Variants in IMMP1L observed in about 807,000 individuals in gnomAD.
The protein encoded by IMMP1L is mitochondrial inner membrane protease subunit 1.
IMMP1L carries 24 observed loss-of-function variants against 21.8 expected under a neutral mutation model. The observed-to-expected ratio is 1.10, with a 90% CI of 0.80 to 1.55. The LOEUF (loss-of-function observed/expected upper bound fraction) is 1.55. Ranked by LOEUF, IMMP1L falls within the 40% of genes most tolerant of loss-of-function variation. The probability of loss-of-function intolerance (pLI) is 0.00; values close to 1 mark genes in which losing one functional copy is unlikely to be tolerated. For missense variants in IMMP1L, 195 were observed against 200.7 expected (o/e 0.97, Z 0.17); for synonymous variants, 46 against 62.8 (o/e 0.73, Z 1.26).
In IMMP1L at chr11:31,436,738, G is replaced by A. The variant is rs563849945; in HGVS notation, c.322-3168C>T. ...TGAGCCAGTGCGCCCAACCATCGCTGGAGTAATATAATTAACAACTACAGA... is the reference window on the plus strand; with the variant it reads ...TGAGCCAGTGCGCCCAACCATCGCTAGAGTAATATAATTAACAACTACAGA... On this transcript the variant is annotated intron_variant, in intron 4 of 5. Transcript: ENST00000532287. Among the ~76,000 whole-genome samples the A allele has an allele frequency of 5.3e-5, 8 of 151,980 alleles. 1 individual carries two copies. In the East Asian group the frequency reaches 1.2e-3, roughly 22 times the overall value.
chr11:31,492,417 T>C (rs574284003), intron 1 of IMMP1L, among the ~76,000 whole-genome samples: 1 of 152,344 alleles, frequency 6.6e-6, no homozygotes, highest in African/African-American at 2.4e-5. Flanking sequence ...GTTTGATCTA[T>C]CCAGACAACT....
intron 1 of IMMP1L, among the ~76,000 whole-genome samples, chr11:31,499,139 C>T (rs1034934075): frequency 3.9e-5 from 6 of 152,038 alleles, no homozygotes; most frequent in African/African-American, 7.2e-5. Flanking sequence ...CCAAGGTGCA[C>T]GGATCACGAG....
rs573461247 is a variant in IMMP1L, at chr11:31,441,324, G to A, written c.322-7754C>T. Among the ~76,000 whole-genome samples, 440 of 144,106 alleles carry A rather than the reference G, an allele frequency of 3.1e-3. 3 individuals carry two copies. Among genetic ancestry groups the A allele is most frequent in the African/African-American group, 0.011 (405 of 38,374 alleles). 94.5% of individuals were successfully genotyped at this position (144,106 alleles called of 152,430 possible). ...TTTTTAAAAGGTGTTTCAGGGTTGGGCTTTTTTTTTTTTTTTTGTCTTTGG... is the reference window on the plus strand; with the variant it reads ...TTTTTAAAAGGTGTTTCAGGGTTGGACTTTTTTTTTTTTTTTTGTCTTTGG... On this transcript the variant is annotated intron_variant, in intron 4 of 5. Coordinates refer to ENST00000532287, the MANE Select transcript of IMMP1L (RefSeq NM_001304274.2).
chr11:31,489,272 C>T (rs1955180647), intron 1 of IMMP1L, among the ~76,000 whole-genome samples: 1 of 152,072 alleles, frequency 6.6e-6, no homozygotes, highest in East Asian at 1.9e-4. Flanking sequence ...GTGTCTGCCA[C>T]AAAAAACAAA....
At chr11:31,459,723 C>A (rs1954072376) in intron 3 of IMMP1L, among the ~76,000 whole-genome samples, 2 of 152,056 alleles carry the variant, frequency 1.3e-5, no homozygotes, top group African/African-American at 4.8e-5. Context: ...CCTGCCTCAG[C>A]CTGCTGTGAA....
intron 1 of IMMP1L, among the ~76,000 whole-genome samples, chr11:31,503,275 C>G (rs964183147): frequency 1.3e-5 from 2 of 152,108 alleles, no homozygotes; most frequent in African/African-American, 2.4e-5. Context: ...AGTGCACGCT[C>G]TTAACTACAT....
chr11:31,498,025 G>A (rs901952502), intron 1 of IMMP1L, among the ~76,000 whole-genome samples: 2 of 152,134 alleles, frequency 1.3e-5, no homozygotes, highest in African/African-American at 2.4e-5. Context: ...AATGCTCAGT[G>A]AGAGAAAAAC....
At chr11:31,491,409 T>C (rs1473803348) in intron 1 of IMMP1L, among the ~76,000 whole-genome samples, 3 of 152,174 alleles carry the variant, frequency 2.0e-5, no homozygotes, top group African/African-American at 7.2e-5. Context: ...AACATGGTAT[T>C]GGAAAGTAAA....
At chr11:31,473,705 A>G (rs1178633216) in intron 1 of IMMP1L, 1 of 971,924 alleles carries the variant, frequency 1.0e-6, no homozygotes, top group African/African-American at 1.8e-5. Flanking sequence ...TTTGGATCCA[A>G]TGACTGAAGT....
intron 1 of IMMP1L, among the ~76,000 whole-genome samples, chr11:31,482,262 G>A (rs184369644): frequency 7.6e-4 from 115 of 152,128 alleles, no homozygotes; most frequent in African/African-American, 2.6e-3. Context: ...AAGCAAAAAT[G>A]CTTTTGAAGA....
At chr11:31,433,671 GCT>G in intron 4 of IMMP1L, 101 bp from the exon 5 acceptor site, 1 of 625,204 alleles carries the variant, frequency 1.6e-6, no homozygotes, top group African/African-American at 1.9e-5. Context: ...ATGTCCTAAG[GCT>G]CTCTTTTATA....
chr11:31,436,145 TAC>T (rs1435629412), intron 4 of IMMP1L, among the ~76,000 whole-genome samples: 1 of 152,162 alleles, frequency 6.6e-6, no homozygotes, highest in East Asian at 1.9e-4. Flanking sequence ...CAAAGATTAA[TAC>T]ATTTATTGCA....
intron 1 of IMMP1L, among the ~76,000 whole-genome samples, chr11:31,492,831 A>G (rs774498451): frequency 9.2e-5 from 14 of 152,202 alleles, no homozygotes; most frequent in African/African-American, 1.2e-4. Context: ...TTACATGGGC[A>G]CGGTTTCTGG....
chr11:31,478,783 C>T (rs2133742523), intron 1 of IMMP1L, among the ~76,000 whole-genome samples: 1 of 152,026 alleles, frequency 6.6e-6, no homozygotes, highest in Admixed American at 6.5e-5. Flanking sequence ...ATATGTATGC[C>T]TACAGTATTT....
At chr11:31,437,840 G>A (rs1401676713) in intron 4 of IMMP1L, among the ~76,000 whole-genome samples, 1 of 151,948 alleles carries the variant, frequency 6.6e-6, no homozygotes, top group Non-Finnish European at 1.5e-5. Context: ...TCATATAAAT[G>A]GAATTACAAA....
Position 31,483,637 on chromosome 11 carries a change from TG to T in IMMP1L, c.-29-20333del, listed in dbSNP as rs1287099420. 4.6e-5 allele frequency among the ~76,000 whole-genome samples: 7 copies of T among 152,108 alleles called. No homozygotes were observed. The East Asian group carries it at 1.3e-3, about 29-fold the overall frequency. Reference sequence around the variant, plus strand: ...TAAAATAGTCTCCGGACTGAAGATTTGCCTTTATATGTGGGAAACTAAAGTG... The same window carrying T: ...TAAAATAGTCTCCGGACTGAAGATTTCCTTTATATGTGGGAAACTAAAGTG... On this transcript the variant is annotated intron_variant, in intron 1 of 5. Coordinates refer to ENST00000532287, the MANE Select transcript of IMMP1L (RefSeq NM_001304274.2).
At chr11:31,434,297 C>G (rs1011753569) in intron 4 of IMMP1L, among the ~76,000 whole-genome samples, 1 of 152,050 alleles carries the variant, frequency 6.6e-6, no homozygotes, top group Non-Finnish European at 1.5e-5. Context: ...TACTCAGTGA[C>G]AATCATAAGC....
chr11:31,501,192 T>C (rs1345429662), intron 1 of IMMP1L, among the ~76,000 whole-genome samples: 3 of 152,316 alleles, frequency 2.0e-5, no homozygotes, highest in Admixed American at 2.0e-4. Flanking sequence ...TAGATTATTG[T>C]AACTGCATTT....
chr11:31,456,638 A>G (rs1331812670), intron 3 of IMMP1L, among the ~76,000 whole-genome samples: 2 of 152,082 alleles, frequency 1.3e-5, no homozygotes, highest in Non-Finnish European at 2.9e-5. Context: ...CTAAACTTTC[A>G]GATAATTCTA....
Sources: gnomAD v4.1 joint callset for allele counts (sites outside exome capture counted in the v4.1 genomes callset) on GRCh38, gnomAD v4.1.1 for gene constraint, MANE v1.5 for transcripts, NCBI Gene and HGNC (gene_info 2026-07-23, HGNC 2026-07-21) for gene names.